The following FBRSL1 variants were observed in gnomAD, a reference collection of about 807,000 sequenced individuals.
The protein encoded by FBRSL1 is fibrosin like 1, also known as fibrosin-1-like protein.
A neutral mutation model predicts 89.6 loss-of-function variants in FBRSL1; 51 were observed. The observed-to-expected ratio is 0.57, with a 90% CI of 0.45 to 0.72. The LOEUF is 0.72. FBRSL1 is among the 30% of genes least tolerant of loss of function. FBRSL1 has a pLI of 0.00. For missense variants in FBRSL1, 1,618 were observed against 1,451.8 expected, an observed-to-expected ratio of 1.11 and a Z score of -1.86; for synonymous variants, 779 against 681.1, an observed-to-expected ratio of 1.14 and a Z score of -2.24.
intron 1 of FBRSL1, among the ~76,000 whole-genome samples, chr12:132,501,288 G>A (rs555241117): frequency 1.5e-4 from 23 of 152,340 alleles, no homozygotes; most frequent in South Asian, 1.2e-3. Context: ...ATAAAGCTGG[G>A]GCCGAGCGGC....
rs546329479 is a variant in FBRSL1, at chr12:132,575,355, G to A, written c.1701+791G>A. On this transcript the variant is annotated intron_variant, in intron 14 of 18. Transcript: ENST00000680143. ...CCATTCTCCTACCTCGGCCTCCCGA[G>A]TAGCTGGGACTACAGGCGACCGTCA... Among the ~76,000 whole-genome samples the A allele has an allele frequency of 2.0e-5, 3 of 152,302 alleles. No individual in the cohort carries two copies. The South Asian group carries it at 6.2e-4, about 32-fold the overall frequency.
chr12:132,509,624 C>T (rs1186993553), intron 2 of FBRSL1: 1 of 1,232,040 alleles, frequency 8.1e-7, no homozygotes, highest in South Asian at 4.1e-5. Context: ...CCCTCCTGGT[C>T]CCCTGCCTCT....
intron 1 of FBRSL1, among the ~76,000 whole-genome samples, chr12:132,493,095 A>T (rs1297427609): frequency 1.3e-5 from 2 of 152,204 alleles, no homozygotes; most frequent in African/African-American, 4.8e-5. Flanking sequence ...GAGGCTCCCC[A>T]TTGAGGCAGA....
At position 132,546,299 on chromosome 12, in the gene FBRSL1, G is replaced by A. The variant is rs896280464; in HGVS notation, c.616-1704G>A. Among the ~76,000 whole-genome samples, 7 of 152,276 alleles carry A rather than the reference G, an allele frequency of 4.6e-5. No individual in the cohort carries two copies. The highest frequency in any genetic ancestry group is 7.2e-5 in the African/African-American group (3 of 41,478). On this transcript the variant is annotated intron_variant, in intron 4 of 18. Coordinates refer to ENST00000680143, the MANE Select transcript of FBRSL1 (RefSeq NM_001367871.1). The surrounding 1 kb of genome is among the most constrained non-coding windows in gnomAD (Gnocchi z 4.0). Reference sequence around the variant, plus strand: ...CACCAGCAAAGCTGGTCTGCATGTCGGGGTCCTGTGGCCCAGCCCTTGGTG... The same window carrying A: ...CACCAGCAAAGCTGGTCTGCATGTCAGGGTCCTGTGGCCCAGCCCTTGGTG...
At chr12:132,495,464 G>A (rs1418544295) in intron 1 of FBRSL1, among the ~76,000 whole-genome samples, 4 of 152,232 alleles carry the variant, frequency 2.6e-5, no homozygotes, top group African/African-American at 7.2e-5. Context: ...AGATGGTGGT[G>A]GGGGCTGAGA....
intron 2 of FBRSL1, chr12:132,509,461 A>T (rs1269613304): frequency 8.1e-7 from 1 of 1,238,336 alleles, no homozygotes; most frequent in African/African-American, 1.6e-5. Context: ...CCATCCCCAG[A>T]TCAGCTCTGC....
At chr12:132,534,637 G>T (rs2036566363) in intron 4 of FBRSL1, among the ~76,000 whole-genome samples, 1 of 152,252 alleles carries the variant, frequency 6.6e-6, no homozygotes, top group African/African-American at 2.4e-5. Flanking sequence ...AGCCCGGGTG[G>T]CTCCTCCATG....
At chr12:132,570,622 T>C in intron 8 of FBRSL1, 82 bp downstream of exon 8, 1 of 1,218,008 alleles carries the variant, frequency 8.2e-7, no homozygotes, top group East Asian at 2.7e-5. Flanking sequence ...GCGCACAGCC[T>C]GGCCCTCCAC....
intron 5 of FBRSL1, among the ~76,000 whole-genome samples, chr12:132,557,301 T>C (rs1238072603): frequency 6.6e-6 from 1 of 152,256 alleles, no homozygotes; most frequent in East Asian, 1.9e-4. Flanking sequence ...TGATACTTAA[T>C]ATCAGCCTGC....
chr12:132,583,095 C>T lies in FBRSL1; in HGVS notation c.2326C>T (p.Arg776Cys), dbSNP rs1242690170. The part of the protein sequence containing the change: ...ELGRSGAPAE[R>C]EAEPRVKESR... ...GGGCCGGTCCGGGGCCCCCGCGGAG[C>T]GCGAGGCCGAACCTCGGGTCAAGGA... The change falls in exon 19 of 19, where the codon CGC (arginine) becomes TGC (cysteine). Residue 776 changes from arginine (R) to cysteine (C), a missense_variant. Transcript: ENST00000680143. 1 of 1,452,708 alleles carries T rather than the reference C, an allele frequency of 6.9e-7. No individual in the cohort carries two copies. The highest frequency in any genetic ancestry group is 2.5e-5 in the Admixed American group (1 of 40,418). The allele number at this position is 1,452,708 out of a possible 1,614,324, so 90.0% of individuals were successfully genotyped here. A position where few individuals can be genotyped will look rare whatever the true frequency, so the allele number is the denominator to read the frequency against.
intron 1 of FBRSL1, among the ~76,000 whole-genome samples, chr12:132,497,909 T>C (rs1319886372): frequency 1.3e-5 from 2 of 152,104 alleles, no homozygotes; most frequent in East Asian, 3.9e-4. Flanking sequence ...CGCATGTGCC[T>C]CCCCTAGAGA....
At chr12:132,526,944 C>G (rs567459019) in intron 3 of FBRSL1, among the ~76,000 whole-genome samples, 1 of 152,304 alleles carries the variant, frequency 6.6e-6, no homozygotes, top group East Asian at 1.9e-4. Context: ...ACAACACCCA[C>G]TCGAGCCAGA....
At chr12:132,505,472 C>A (rs2033568825) in intron 1 of FBRSL1, among the ~76,000 whole-genome samples, 2 of 152,194 alleles carry the variant, frequency 1.3e-5, no homozygotes, top group African/African-American at 4.8e-5. Context: ...CGGCCCCACC[C>A]CCACCCGTGG....
chr12:132,570,627 C>T, intron 8 of FBRSL1, 87 bp downstream of exon 8: 3 of 1,182,466 alleles, frequency 2.5e-6, no homozygotes, highest in Non-Finnish European at 3.4e-6. Flanking sequence ...CAGCCTGGCC[C>T]TCCACCTGCT....
At chr12:132,496,078 G>A (rs77098216) in intron 1 of FBRSL1, among the ~76,000 whole-genome samples, 401 of 152,322 alleles carry the variant, frequency 2.6e-3, no homozygotes, top group African/African-American at 9.1e-3. Context: ...CCGTGGCTAC[G>A]CCGCGTGCCT....
Position 132,570,167 on chromosome 12 carries a change from G to A in FBRSL1, c.933G>A (p.Pro311=), listed in dbSNP as rs1304952408. ...PPPPQPRGLL[P]THVPASLGAF... ...CCCCGCAGCCCCGCGGCCTGCTCCC[G>A]ACACACGTGCCTGCATCCCTGGGCG... The change falls in exon 7 of 19, where the codon CCG becomes CCA. Residue 311 remains proline, a synonymous_variant. Coordinates refer to ENST00000680143, the MANE Select transcript of FBRSL1 (RefSeq NM_001367871.1). The A allele has an allele frequency of 1.8e-5, 27 of 1,501,684 alleles. No individual in the cohort carries two copies. Among genetic ancestry groups the A allele is most frequent in the African/African-American group, 5.8e-5 (4 of 68,634 alleles). 93.0% of individuals were successfully genotyped at this position (1,501,684 alleles called of 1,614,324 possible).
chr12:132,543,653 A>ATGTCTT (rs386378309), intron 4 of FBRSL1, among the ~76,000 whole-genome samples: 1 of 45,794 alleles, frequency 2.2e-5, no homozygotes, highest in African/African-American at 1.2e-4. Context: ...TCTAAAAGCC[A>ATGTCTT]TGTCTCAAGG....
intron 2 of FBRSL1, among the ~76,000 whole-genome samples, chr12:132,522,221 A>G (rs2035421689): frequency 6.6e-6 from 1 of 152,130 alleles, no homozygotes; most frequent in Non-Finnish European, 1.5e-5. Context: ...AGGACAGCTC[A>G]AGGGCACTAG....
At chr12:132,536,591 C>A (rs2036767980) in intron 4 of FBRSL1, among the ~76,000 whole-genome samples, 1 of 150,040 alleles carries the variant, frequency 6.7e-6, no homozygotes, top group Admixed American at 6.6e-5. Context: ...TGTGTGAGTG[C>A]ACGTGTACAT....
Sources: gnomAD v4.1 joint callset for allele counts (sites outside exome capture counted in the v4.1 genomes callset) on GRCh38, gnomAD v4.1.1 for gene constraint, Gnocchi (gnomAD v3.1) non-coding constraint, MANE v1.5 for transcripts, NCBI Gene and HGNC (gene_info 2026-07-23, HGNC 2026-07-21) for gene names.